DNAJC1: variants seen among roughly 807,000 people sequenced by gnomAD.
DNAJC1 encodes the protein dnaJ homolog subfamily C member 1.
A neutral mutation model predicts 76.6 loss-of-function variants in DNAJC1; 58 were observed. The ratio of observed to expected loss-of-function variants is 0.76; its 90% CI spans 0.61 to 0.94. The LOEUF (loss-of-function observed/expected upper bound fraction) is 0.94, where lower values mean the gene tolerates loss of function less well. DNAJC1 is among the 40% of genes least tolerant of loss of function. The pLI, the probability that DNAJC1 is intolerant of heterozygous loss-of-function variation, is 0.00. For missense variants in DNAJC1, 689 were observed against 677.3 expected, an observed-to-expected ratio of 1.02 and a Z score of -0.19; for synonymous variants, 258 against 267.9, an observed-to-expected ratio of 0.96 and a Z score of 0.36.
intron 8 of DNAJC1, among the ~76,000 whole-genome samples, chr10:21,839,172 A>G (rs1257687965): frequency 6.6e-6 from 1 of 152,238 alleles, no homozygotes; most frequent in Non-Finnish European, 1.5e-5. Flanking sequence ...TTGACACCCT[A>G]ACATCACAAT....
intron 6 of DNAJC1, among the ~76,000 whole-genome samples, chr10:21,914,490 C>T (rs1836920305): frequency 6.6e-6 from 1 of 152,200 alleles, no homozygotes; most frequent in Admixed American, 6.5e-5. Context: ...GTACACAGAT[C>T]TTTCACAGAT....
At chr10:21,844,040 C>T (rs535305500) in intron 8 of DNAJC1, among the ~76,000 whole-genome samples, 2 of 152,306 alleles carry the variant, frequency 1.3e-5, no homozygotes, top group South Asian at 4.1e-4. Flanking sequence ...TTCCTCAGCA[C>T]AAGCTCTCTT....
At chr10:21,864,970 G>A (rs775707681) in intron 8 of DNAJC1, among the ~76,000 whole-genome samples, 14 of 151,974 alleles carry the variant, frequency 9.2e-5, no homozygotes, top group African/African-American at 1.5e-4. Context: ...AAAGATGCTC[G>A]GCATTATTAA....
chr10:21,992,461 G>A (rs1279620907), intron 1 of DNAJC1, among the ~76,000 whole-genome samples: 1 of 152,106 alleles, frequency 6.6e-6, no homozygotes, highest in Non-Finnish European at 1.5e-5. Context: ...GCTGAGGCAG[G>A]AGAATCGCTT....
chr10:21,908,344 A>C (rs1836793784), intron 6 of DNAJC1, among the ~76,000 whole-genome samples: 1 of 141,210 alleles, frequency 7.1e-6, no homozygotes, highest in Admixed American at 7.7e-5. Context: ...TTTTGGAGAT[A>C]GTATTCAAGA....
intron 6 of DNAJC1, among the ~76,000 whole-genome samples, chr10:21,909,941 G>A (rs927382612): frequency 7.9e-5 from 12 of 152,140 alleles, no homozygotes; most frequent in African/African-American, 2.7e-4. Flanking sequence ...TCAGTCTACC[G>A]TGATTAATAC....
At chr10:21,847,928 C>T (rs1463503339) in intron 8 of DNAJC1, among the ~76,000 whole-genome samples, 1 of 152,102 alleles carries the variant, frequency 6.6e-6, no homozygotes, top group East Asian at 1.9e-4. Flanking sequence ...AATGGGCATG[C>T]AGGTATCACT....
intron 8 of DNAJC1, among the ~76,000 whole-genome samples, chr10:21,837,360 G>A (rs186231475): frequency 0.013 from 1,950 of 152,200 alleles, 43 homozygotes; most frequent in African/African-American, 0.044. Context: ...AAGCGTCTCT[G>A]CCTGGCCGCC....
chr10:21,771,803 A>G (rs1475315362), intron 9 of DNAJC1, among the ~76,000 whole-genome samples: 1 of 152,008 alleles, frequency 6.6e-6, no homozygotes, highest in Non-Finnish European at 1.5e-5. Flanking sequence ...CGGCTCAAAC[A>G]CTTCTCTTGA....
intron 1 of DNAJC1, among the ~76,000 whole-genome samples, chr10:21,954,900 C>T (rs1006041509): frequency 5.9e-5 from 9 of 152,268 alleles, no homozygotes; most frequent in South Asian, 2.1e-4. Context: ...ATACAAAACC[C>T]GAGCAGTGTG....
intron 8 of DNAJC1, among the ~76,000 whole-genome samples, chr10:21,822,426 G>A (rs547388971): frequency 1.6e-4 from 24 of 148,308 alleles, no homozygotes; most frequent in African/African-American, 5.2e-4. Flanking sequence ...GTGACACAGC[G>A]AGACTCCGAC....
At chr10:21,978,400 G>A (rs553857493) in intron 1 of DNAJC1, among the ~76,000 whole-genome samples, 3 of 152,220 alleles carry the variant, frequency 2.0e-5, no homozygotes, top group Admixed American at 1.3e-4. Flanking sequence ...TGGGAAAGTC[G>A]ATTAGCAAGT....
At chr10:21,860,431 G>A (rs754525179) in intron 8 of DNAJC1, among the ~76,000 whole-genome samples, 4 of 152,134 alleles carry the variant, frequency 2.6e-5, no homozygotes, top group Non-Finnish European at 4.4e-5. Context: ...GGTGGCTCAT[G>A]CCTGTAATCC....
intron 7 of DNAJC1, among the ~76,000 whole-genome samples, chr10:21,901,496 AATTG>A (rs1473906123): frequency 2.6e-5 from 4 of 152,194 alleles, no homozygotes; most frequent in Non-Finnish European, 5.9e-5. Context: ...TAAACCACAA[AATTG>A]ATTAAAAGTT....
chr10:21,834,194 G>A (rs566252339), intron 8 of DNAJC1, among the ~76,000 whole-genome samples: 2 of 152,216 alleles, frequency 1.3e-5, no homozygotes, highest in South Asian at 2.1e-4. Flanking sequence ...AACCTGGGAG[G>A]TGGAGCTTGC....
chr10:21,888,096 A>G (rs1317576185), intron 7 of DNAJC1, among the ~76,000 whole-genome samples: 1 of 152,224 alleles, frequency 6.6e-6, no homozygotes, highest in East Asian at 1.9e-4. Flanking sequence ...ACACTTTTCA[A>G]AAGAAGACAT....
At position 21,784,631 on chromosome 10, in the gene DNAJC1, T is replaced by C. The variant is rs1342500970; in HGVS notation, c.1099-18322A>G. Among the ~76,000 whole-genome samples the C allele has an allele frequency of 2.6e-5, 4 of 152,216 alleles. No individual in the cohort carries two copies. The East Asian group carries it at 7.7e-4, about 29-fold the overall frequency. ...TTTATTGTGGCACTATTCACAATAG[T>C]AAAGACTTGAAACCAACCCAAATGT... is the stretch of plus-strand genomic sequence containing the variant. On this transcript the variant is annotated intron_variant, in intron 9 of 11. Coordinates refer to ENST00000376980, the MANE Select transcript of DNAJC1 (RefSeq NM_022365.4).
chr10:21,770,922 C>G (rs569917433), intron 9 of DNAJC1, among the ~76,000 whole-genome samples: 2 of 152,128 alleles, frequency 1.3e-5, no homozygotes, highest in Admixed American at 6.5e-5. Context: ...AATCCTCTGC[C>G]AAATCTAAGG....
chr10:21,873,435 C>G (rs1005558566), intron 8 of DNAJC1, among the ~76,000 whole-genome samples: 1 of 151,656 alleles, frequency 6.6e-6, no homozygotes, highest in Non-Finnish European at 1.5e-5. Context: ...TAATCAGAAA[C>G]GATGAAGGCC....
Sources: gnomAD v4.1 joint callset for allele counts (sites outside exome capture counted in the v4.1 genomes callset) on GRCh38, gnomAD v4.1.1 for gene constraint, MANE v1.5 for transcripts, NCBI Gene and HGNC (gene_info 2026-07-23, HGNC 2026-07-21) for gene names.